The following MAGI1 variants were observed in gnomAD, a reference collection of about 807,000 sequenced individuals.
MAGI1 encodes membrane-associated guanylate kinase, WW and PDZ domain-containing protein 1.
In MAGI1, 58 loss-of-function variants were observed where a neutral mutation model predicts 139.9. The ratio of observed to expected loss-of-function variants is 0.41; its 90% CI spans 0.34 to 0.52. MAGI1 has a LOEUF of 0.52. Among genes scored for constraint, MAGI1 ranks in the 20% least tolerant of loss-of-function variants. MAGI1 has a pLI of 0.12. For synonymous variants in MAGI1, 812 were observed against 737.9 expected, an observed-to-expected ratio of 1.10 and a Z score of -1.63; for missense variants, 1,874 against 1,901.6, an observed-to-expected ratio of 0.99 and a Z score of 0.27.
intron 1 of MAGI1, among the ~76,000 whole-genome samples, chr3:65,781,072 T>C (rs1277866153): frequency 6.6e-6 from 1 of 152,106 alleles, no homozygotes; most frequent in Non-Finnish European, 1.5e-5. Flanking sequence ...GGCTCATGCC[T>C]GTAATTCCAA....
At chr3:65,999,516 T>G (rs1031452075) in intron 1 of MAGI1, among the ~76,000 whole-genome samples, 1 of 152,144 alleles carries the variant, frequency 6.6e-6, no homozygotes, top group Non-Finnish European at 1.5e-5. Context: ...TAACAGAGTC[T>G]TCAGGCCTTA....
chr3:65,756,962 G>C (rs561740652), intron 1 of MAGI1, among the ~76,000 whole-genome samples: 2 of 152,236 alleles, frequency 1.3e-5, no homozygotes, highest in South Asian at 2.1e-4. Flanking sequence ...TTTAGTTAAA[G>C]AAAATAACTC....
intron 1 of MAGI1, among the ~76,000 whole-genome samples, chr3:65,880,384 G>A (rs866836335): frequency 7.9e-5 from 12 of 152,246 alleles, no homozygotes; most frequent in South Asian, 2.1e-4. Context: ...GACCCTTAGC[G>A]CATGTCACTG....
intron 1 of MAGI1, among the ~76,000 whole-genome samples, chr3:66,019,136 C>T (rs1332610160): frequency 6.6e-6 from 1 of 152,148 alleles, no homozygotes; most frequent in Non-Finnish European, 1.5e-5. Flanking sequence ...TCCAGTGGAA[C>T]AGATAATAGG....
intron 17 of MAGI1, 90 bp downstream of exon 17, chr3:65,379,171 C>G: frequency 6.3e-7 from 1 of 1,590,954 alleles, no homozygotes; most frequent in Non-Finnish European, 8.6e-7. Flanking sequence ...CATTTCTGCA[C>G]GTGAGGTCTG....
At chr3:66,002,798 G>A (rs2066816675) in intron 1 of MAGI1, among the ~76,000 whole-genome samples, 1 of 152,172 alleles carries the variant, frequency 6.6e-6, no homozygotes, top group Non-Finnish European at 1.5e-5. Context: ...TTACAGGCAT[G>A]AGCCACTGCA....
At chr3:65,456,697 T>C (rs1045913742) in intron 5 of MAGI1, among the ~76,000 whole-genome samples, 2 of 152,180 alleles carry the variant, frequency 1.3e-5, no homozygotes, top group Non-Finnish European at 2.9e-5. Context: ...TTTTTTGGTA[T>C]GAAGTGTGGG....
chr3:65,821,416 T>C (rs2041942943), intron 1 of MAGI1, among the ~76,000 whole-genome samples: 1 of 152,176 alleles, frequency 6.6e-6, no homozygotes, highest in Non-Finnish European at 1.5e-5. Context: ...CTGCCATGTC[T>C]GCTGCATGCC....
intron 1 of MAGI1, among the ~76,000 whole-genome samples, chr3:65,680,965 T>G (rs2107513598): frequency 6.6e-6 from 1 of 152,292 alleles, no homozygotes. Flanking sequence ...GATGAAGAAT[T>G]GATTTTGGCC....
chr3:65,464,900 A>G (rs1950071221), intron 5 of MAGI1, among the ~76,000 whole-genome samples: 1 of 151,102 alleles, frequency 6.6e-6, no homozygotes, highest in Non-Finnish European at 1.5e-5. Flanking sequence ...GTTTTTATAT[A>G]TCTACAGTAC....
At chr3:65,555,650 G>C (rs1325167223) in intron 2 of MAGI1, among the ~76,000 whole-genome samples, 1 of 152,164 alleles carries the variant, frequency 6.6e-6, no homozygotes. Context: ...CTTGAGCCAA[G>C]GTCAAGACCA....
At chr3:65,816,959 T>C (rs1461093470) in intron 1 of MAGI1, among the ~76,000 whole-genome samples, 1 of 152,216 alleles carries the variant, frequency 6.6e-6, no homozygotes, top group Non-Finnish European at 1.5e-5. Flanking sequence ...AATTTAATGA[T>C]AGCGGAATAA....
intron 1 of MAGI1, among the ~76,000 whole-genome samples, chr3:65,847,352 T>C (rs78050805): frequency 0.053 from 8,091 of 152,270 alleles, 294 homozygotes; most frequent in Middle Eastern, 0.078. Context: ...TAGGTTTCTA[T>C]TTCTTTTCTG....
intron 1 of MAGI1, among the ~76,000 whole-genome samples, chr3:65,630,300 T>C (rs766625379): frequency 1.3e-5 from 2 of 152,086 alleles, no homozygotes; most frequent in Non-Finnish European, 2.9e-5. Context: ...GAGACAATTG[T>C]TAAGGTGAGA....
rs780203683 is a variant in MAGI1 at position 65,550,975 on chromosome 3, C to CG, written c.431-57345dup. Reference sequence around the variant, plus strand: ...ACAGAGACCCTGTCTTAAAAAGAAACGGAATTCCCAGTGATAGGTTTGGTT... The same window carrying CG: ...ACAGAGACCCTGTCTTAAAAAGAAACGGGAATTCCCAGTGATAGGTTTGGTT... On this transcript the variant is annotated intron_variant, in intron 2 of 22. Coordinates refer to ENST00000402939, the MANE Select transcript of MAGI1 (RefSeq NM_001033057.2). Among the ~76,000 whole-genome samples the CG allele has an allele frequency of 9.2e-5, 14 of 152,100 alleles. No individual in the cohort carries two copies. The East Asian group carries it at 1.7e-3, about 19-fold the overall frequency.
At chr3:65,609,228 G>A (rs1352278345) in intron 2 of MAGI1, among the ~76,000 whole-genome samples, 1 of 152,052 alleles carries the variant, frequency 6.6e-6, no homozygotes, top group Admixed American at 6.6e-5. Flanking sequence ...ATGCAGTTAA[G>A]ATTTTTATAA....
intron 2 of MAGI1, among the ~76,000 whole-genome samples, chr3:65,522,057 C>A: frequency 6.6e-6 from 1 of 152,202 alleles, no homozygotes; most frequent in South Asian, 2.1e-4. Context: ...AACGGAATTT[C>A]ATACCCTCCT....
chr3:65,549,398 A>C, intron 2 of MAGI1: 1 of 985,082 alleles, frequency 1.0e-6, no homozygotes, highest in Non-Finnish European at 1.2e-6. Flanking sequence ...CCCAAGGACA[A>C]AACCGTTACC....
At chr3:65,882,661 A>C (rs2060377812) in intron 1 of MAGI1, among the ~76,000 whole-genome samples, 1 of 152,192 alleles carries the variant, frequency 6.6e-6, no homozygotes, top group Non-Finnish European at 1.5e-5. Context: ...GACCAGGCAC[A>C]GTGGCTCACA....
Sources: gnomAD v4.1 joint callset for allele counts (sites outside exome capture counted in the v4.1 genomes callset) on GRCh38, gnomAD v4.1.1 for gene constraint, MANE v1.5 for transcripts, NCBI Gene and HGNC (gene_info 2026-07-23, HGNC 2026-07-21) for gene names.